Variants in NBDY observed in about 807,000 individuals in gnomAD.
NBDY encodes the protein negative regulator of P-body association, also known as P-body dissociating protein.
chrX:56,749,126 G>T (rs952511729), intron 2 of NBDY, among the ~76,000 whole-genome samples: 2 of 109,769 alleles, frequency 1.8e-5, no homozygotes, highest in African/African-American at 3.3e-5. Context: ...CTAGGGTATT[G>T]GTACTCAATG....
At chrX:56,765,551 C>T (rs2069661093) in intron 2 of NBDY, among the ~76,000 whole-genome samples, 3 of 111,863 alleles carry the variant, frequency 2.7e-5, no homozygotes, top group South Asian at 7.6e-4. Flanking sequence ...CCGTGCCCCT[C>T]GTTGTATGTC....
intron 2 of NBDY, among the ~76,000 whole-genome samples, chrX:56,807,158 G>T (rs1365279260): frequency 1.8e-5 from 2 of 111,698 alleles, no homozygotes; most frequent in East Asian, 5.6e-4. Context: ...CCTCCATTCT[G>T]TTCCATTGGT....
chrX:56,803,408 G>T (rs2069834106), intron 2 of NBDY, among the ~76,000 whole-genome samples: 1 of 111,447 alleles, frequency 9.0e-6, no homozygotes, highest in Non-Finnish European at 1.9e-5. Flanking sequence ...CCACAAAAGA[G>T]ACCAGTGTAA....
intron 2 of NBDY, among the ~76,000 whole-genome samples, chrX:56,814,898 T>G (rs1345624254): frequency 1.8e-5 from 2 of 111,155 alleles, no homozygotes; most frequent in African/African-American, 6.5e-5. Flanking sequence ...AATGTCATAT[T>G]TTATGTGTCA....
intron 2 of NBDY, among the ~76,000 whole-genome samples, chrX:56,799,931 C>G (rs1355010081): frequency 9.0e-6 from 1 of 110,549 alleles, no homozygotes; most frequent in Admixed American, 9.6e-5. Context: ...TCCAGAGGAG[C>G]CTATCCTCAA....
chrX:56,733,595 C>T (rs1280456165), intron 2 of NBDY, among the ~76,000 whole-genome samples: 1 of 111,369 alleles, frequency 9.0e-6, no homozygotes, highest in Admixed American at 9.5e-5. Context: ...AATGGAGAAA[C>T]CTTCCATAGT....
intron 2 of NBDY, among the ~76,000 whole-genome samples, chrX:56,815,764 C>T (rs967524042): frequency 5.4e-5 from 6 of 111,401 alleles, no homozygotes; most frequent in Admixed American, 3.8e-4. Flanking sequence ...AAAACATGTT[C>T]GGAGTAATGT....
chrX:56,739,013 G>C (rs2069512691), intron 2 of NBDY, among the ~76,000 whole-genome samples: 1 of 107,527 alleles, frequency 9.3e-6, no homozygotes, highest in Non-Finnish European at 1.9e-5. Flanking sequence ...TGAAATGGGA[G>C]TCTTATGACC....
chrX:56,758,678 C>T (rs746200155), intron 2 of NBDY, among the ~76,000 whole-genome samples: 33 of 111,828 alleles, frequency 3.0e-4, no homozygotes, highest in Non-Finnish European at 5.5e-4. Context: ...GCCAGGCCCC[C>T]GGCAGTGCTC....
chrX:56,732,884 A>G (rs955056256), intron 2 of NBDY, among the ~76,000 whole-genome samples: 6 of 111,590 alleles, frequency 5.4e-5, no homozygotes, highest in Non-Finnish European at 7.5e-5. Context: ...ATAAATTACA[A>G]TAATCAATTT....
chrX:56,783,947 G>C (rs956356001), intron 2 of NBDY, among the ~76,000 whole-genome samples: 25 of 106,802 alleles, frequency 2.3e-4, no homozygotes, highest in Non-Finnish European at 4.2e-4. Flanking sequence ...CAGTAGGAGC[G>C]TTCTCTGCCT....
At chrX:56,763,324 AC>A (rs2069647817) in intron 2 of NBDY, among the ~76,000 whole-genome samples, 1 of 110,761 alleles carries the variant, frequency 9.0e-6, no homozygotes, top group South Asian at 3.9e-4. Context: ...CCCTCCTCCC[AC>A]CCCCATCTGT....
chrX:56,801,356 TCTC>T (rs2069821567), intron 2 of NBDY, among the ~76,000 whole-genome samples: 1 of 109,730 alleles, frequency 9.1e-6, no homozygotes, highest in Non-Finnish European at 1.9e-5. Context: ...TTCTACTCCT[TCTC>T]CTTCTCCTTC....
At chrX:56,751,558 G>A (rs1327105955) in intron 2 of NBDY, among the ~76,000 whole-genome samples, 2 of 111,526 alleles carry the variant, frequency 1.8e-5, no homozygotes, top group Non-Finnish European at 1.9e-5. Context: ...TAAATCTTAA[G>A]TATATAGCTC....
At chrX:56,781,648 C>T (rs755714336) in intron 2 of NBDY, among the ~76,000 whole-genome samples, 1 of 111,675 alleles carries the variant, frequency 9.0e-6, no homozygotes, top group South Asian at 3.8e-4. Flanking sequence ...ACTGTCTTTA[C>T]TTTTCGTCCG....
chrX:56,756,989 A>G (rs752461233), intron 2 of NBDY, among the ~76,000 whole-genome samples: 1 of 112,357 alleles, frequency 8.9e-6, no homozygotes, highest in African/African-American at 3.2e-5. Context: ...AAATGACCCT[A>G]GACACATTTT....
chrX:56,735,088 A>G (rs1188393680), intron 2 of NBDY, among the ~76,000 whole-genome samples: 1 of 112,061 alleles, frequency 8.9e-6, no homozygotes, highest in Non-Finnish European at 1.9e-5. Flanking sequence ...TGTTTCAGGT[A>G]CTTTCATGGT....
intron 2 of NBDY, among the ~76,000 whole-genome samples, chrX:56,797,610 C>T (rs2069800005): frequency 9.0e-6 from 1 of 111,403 alleles, no homozygotes; most frequent in African/African-American, 3.3e-5. Flanking sequence ...TTCCTGTTCT[C>T]CTTGTGGACT....
chrX:56,767,616 G>C (rs1340163359), intron 2 of NBDY, among the ~76,000 whole-genome samples: 1 of 113,588 alleles, frequency 8.8e-6, no homozygotes, highest in Non-Finnish European at 1.9e-5. Flanking sequence ...GCCCAGGGCA[G>C]TGAGGGGCTT....
Sources: allele counts gnomAD v4.1 joint callset (sites outside exome capture counted in the v4.1 genomes callset), GRCh38; gene constraint gnomAD v4.1.1; transcripts MANE v1.5; gene names NCBI Gene and HGNC (gene_info 2026-07-23, HGNC 2026-07-21).